Variants in NRXN1 observed in about 807,000 individuals in gnomAD.
The protein encoded by NRXN1 is neurexin 1, also known as neurexin-1.
A neutral mutation model predicts 150.9 loss-of-function variants in NRXN1; 39 were observed. That is an observed-to-expected ratio of 0.26 (90% CI 0.20 to 0.34). The LOEUF (loss-of-function observed/expected upper bound fraction) is 0.34. Among genes scored for constraint, NRXN1 ranks in the 10% least tolerant of loss-of-function variants. The probability of loss-of-function intolerance (pLI) is 1.00; values close to 1 mark genes in which losing one functional copy is unlikely to be tolerated. For missense variants in NRXN1, 1,815 were observed against 1,949.9 expected (o/e 0.93, Z 1.30); for synonymous variants, 924 against 757.0 (o/e 1.22, Z -3.62).
chr2:50,184,337 C>T (rs1468712426), intron 18 of NRXN1, among the ~76,000 whole-genome samples: 1 of 151,898 alleles, frequency 6.6e-6, no homozygotes, highest in Non-Finnish European at 1.5e-5. Flanking sequence ...ACCAGGGATC[C>T]ACATTTTGTT....
chr2:50,079,760 T>G (rs759363754), intron 19 of NRXN1, among the ~76,000 whole-genome samples: 40 of 152,070 alleles, frequency 2.6e-4, no homozygotes, highest in Non-Finnish European at 3.4e-4. Context: ...GTTGAAAAAT[T>G]ATCTAGTAAG....
intron 8 of NRXN1, among the ~76,000 whole-genome samples, chr2:50,566,706 G>A (rs909392120): frequency 2.0e-5 from 3 of 152,138 alleles, no homozygotes; most frequent in African/African-American, 7.2e-5. Flanking sequence ...GAGAATTTAA[G>A]TATTTTGTCC....
At chr2:50,957,909 G>C (rs1160227125) in intron 2 of NRXN1, among the ~76,000 whole-genome samples, 6 of 151,982 alleles carry the variant, frequency 3.9e-5, no homozygotes, top group Non-Finnish European at 7.4e-5. Flanking sequence ...GAACAGTGGA[G>C]AATATTTTAG....
intron 17 of NRXN1, among the ~76,000 whole-genome samples, chr2:50,424,270 G>T (rs1250756419): frequency 8.9e-6 from 1 of 112,800 alleles, no homozygotes; most frequent in African/African-American, 3.4e-5. Flanking sequence ...GAGGAGGACA[G>T]GGGAAGGGGA....
chr2:50,132,803 T>C (rs1230577403), intron 18 of NRXN1, among the ~76,000 whole-genome samples: 4 of 151,888 alleles, frequency 2.6e-5, no homozygotes, highest in African/African-American at 9.7e-5. Context: ...GTATAGAGAA[T>C]AGTCCAGTTA....
chr2:50,017,648 A>G (rs1315910193), intron 21 of NRXN1, among the ~76,000 whole-genome samples: 2 of 134,698 alleles, frequency 1.5e-5, no homozygotes, highest in Non-Finnish European at 3.1e-5. Flanking sequence ...AGATTTTAGA[A>G]AAAAACACAG....
intron 17 of NRXN1, among the ~76,000 whole-genome samples, chr2:50,375,256 C>G (rs975550860): frequency 6.6e-6 from 1 of 151,844 alleles, no homozygotes; most frequent in Non-Finnish European, 1.5e-5. Context: ...GCTTAGCTTA[C>G]TGGGTTTATA....
At chr2:49,992,628 G>C (rs1324599244) in intron 21 of NRXN1, among the ~76,000 whole-genome samples, 2 of 152,010 alleles carry the variant, frequency 1.3e-5, no homozygotes, top group Non-Finnish European at 2.9e-5. Flanking sequence ...TTAAGAAAAT[G>C]AGAAGACAAG....
intron 5 of NRXN1, among the ~76,000 whole-genome samples, chr2:50,638,999 T>A (rs1002921810): frequency 6.6e-6 from 1 of 152,040 alleles, no homozygotes; most frequent in Non-Finnish European, 1.5e-5. Flanking sequence ...GATTTCATAA[T>A]CCACCAATGG....
At chr2:50,386,523 G>C (rs1229412813) in intron 17 of NRXN1, among the ~76,000 whole-genome samples, 1 of 151,994 alleles carries the variant, frequency 6.6e-6, no homozygotes, top group Non-Finnish European at 1.5e-5. Context: ...GTCATAATAA[G>C]ATTATAGACT....
intron 5 of NRXN1, among the ~76,000 whole-genome samples, chr2:50,913,575 C>T (rs1411408317): frequency 6.6e-6 from 1 of 151,648 alleles, no homozygotes. Flanking sequence ...ATAGTCTATA[C>T]CTGGGTTATG....
intron 18 of NRXN1, among the ~76,000 whole-genome samples, chr2:50,179,220 C>G (rs1349972909): frequency 6.6e-6 from 1 of 151,988 alleles, no homozygotes; most frequent in African/African-American, 2.4e-5. Flanking sequence ...CTACATCTTC[C>G]AGGGAGACGG....
intron 19 of NRXN1, among the ~76,000 whole-genome samples, chr2:50,079,799 G>C (rs1697667974): frequency 6.6e-6 from 1 of 151,918 alleles, no homozygotes; most frequent in Non-Finnish European, 1.5e-5. Flanking sequence ...TTGTCCTCTT[G>C]CATGATATGT....
At chr2:50,879,338 A>G (rs1679084760) in intron 5 of NRXN1, among the ~76,000 whole-genome samples, 1 of 151,884 alleles carries the variant, frequency 6.6e-6, no homozygotes, top group African/African-American at 2.4e-5. Context: ...CAAGCAATCT[A>G]TAAATACTCA....
intron 17 of NRXN1, among the ~76,000 whole-genome samples, chr2:50,286,501 A>G (rs532025493): frequency 3.9e-5 from 6 of 152,292 alleles, no homozygotes; most frequent in African/African-American, 1.4e-4. Flanking sequence ...TGTTGTGTAT[A>G]TATACCTTTT....
At chr2:50,003,894 T>A (rs957550915) in intron 21 of NRXN1, among the ~76,000 whole-genome samples, 14 of 152,142 alleles carry the variant, frequency 9.2e-5, no homozygotes, top group African/African-American at 2.9e-4. Flanking sequence ...TGGAACATTT[T>A]CCTTCCCCTT....
chr2:50,877,570 T>A lies in NRXN1; in HGVS notation c.832+44299A>T, dbSNP rs887089458. Among the ~76,000 whole-genome samples the A allele has an allele frequency of 3.3e-5, 5 of 152,130 alleles. No individual in the cohort carries two copies. The East Asian group carries it at 9.7e-4, about 30-fold the overall frequency. On this transcript the variant is annotated intron_variant, in intron 5 of 22. Coordinates refer to ENST00000401669, the MANE Select transcript of NRXN1 (RefSeq NM_001330078.2). Reference sequence around the variant, plus strand: ...TCATTTACAATTGAACACTAAGTTATATACTTTAATTGTTCTTTTGTTGTT... The same window carrying A: ...TCATTTACAATTGAACACTAAGTTAAATACTTTAATTGTTCTTTTGTTGTT...
chr2:50,440,399 T>C (rs114378702), intron 17 of NRXN1, among the ~76,000 whole-genome samples: 5,641 of 150,768 alleles, frequency 0.037, 344 homozygotes, highest in African/African-American at 0.13. Context: ...CTGACTATAG[T>C]CTTTATTATT....
chr2:50,764,116 G>A (rs964381606), intron 5 of NRXN1, among the ~76,000 whole-genome samples: 5 of 151,110 alleles, frequency 3.3e-5, no homozygotes, highest in African/African-American at 1.2e-4. Context: ...TCTACTGGCC[G>A]GGAAGACATT....
Sources: gnomAD v4.1 joint callset for allele counts (sites outside exome capture counted in the v4.1 genomes callset) on GRCh38, gnomAD v4.1.1 for gene constraint, MANE v1.5 for transcripts, NCBI Gene and HGNC (gene_info 2026-07-23, HGNC 2026-07-21) for gene names.